The following PSG8 variants were observed in gnomAD, a reference collection of about 807,000 sequenced individuals.
The protein encoded by PSG8 is pregnancy specific beta-1-glycoprotein 8, also known as pregnancy-specific beta-1-glycoprotein 8.
PSG8 carries 57 observed loss-of-function variants against 42.5 expected under a neutral mutation model. The observed-to-expected ratio is 1.34, with a 90% CI of 1.08 to 1.67. The LOEUF is 1.67. Ranked by LOEUF, PSG8 falls within the 40% of genes most tolerant of loss-of-function variation. The pLI is 0.00. For synonymous variants in PSG8, 280 were observed against 196.8 expected (o/e 1.42, Z -3.54); for missense variants, 783 against 518.6 (o/e 1.51, Z -4.95).
chr19:42,764,524 C>G (rs1369577850), intron 1 of PSG8, among the ~76,000 whole-genome samples: 9 of 152,004 alleles, frequency 5.9e-5, no homozygotes, highest in African/African-American at 4.8e-5. Context: ...TTCAACACTT[C>G]TGACCTTGGC....
intron 2 of PSG8, among the ~76,000 whole-genome samples, chr19:42,761,820 A>ATTT (rs58868359): frequency 0.064 from 4,509 of 70,312 alleles, 852 homozygotes; most frequent in African/African-American, 0.076. Flanking sequence ...CATTTCAATA[A>ATTT]TTTTTTTTTT....
intron 2 of PSG8, among the ~76,000 whole-genome samples, chr19:42,760,447 C>CT (rs1236428196): frequency 1.3e-5 from 2 of 152,238 alleles, no homozygotes; most frequent in East Asian, 3.9e-4. Flanking sequence ...TGTTGTTCCA[C>CT]TTTTTTACCC....
In PSG8 at chr19:42,754,273, C is replaced by G. The variant is rs771993086; in HGVS notation, c.*22G>C. The G allele has an allele frequency of 6.2e-7, 1 of 1,609,368 alleles. No homozygotes were observed. Among genetic ancestry groups the G allele is most frequent in the Non-Finnish European group, 8.5e-7 (1 of 1,177,732 alleles). ...ATAAAAATGTTTTCCTGACTCTTCC[C>G]TGAAGGCCAGATAGACTCCACCTAA... On this transcript the variant is annotated 3_prime_UTR_variant, in exon 5 of 5. Coordinates refer to ENST00000306511, the MANE Select transcript of PSG8 (RefSeq NM_182707.3).
intron 2 of PSG8, among the ~76,000 whole-genome samples, chr19:42,760,411 A>T (rs982091016): frequency 2.0e-5 from 3 of 152,190 alleles, no homozygotes; most frequent in Admixed American, 6.5e-5. Context: ...TATTGTCAAA[A>T]CAAAATATTA....
intron 2 of PSG8, chr19:42,758,523 T>C (rs1283618944): frequency 3.6e-5 from 31 of 869,304 alleles, no homozygotes; most frequent in South Asian, 1.4e-4. Context: ...CATTGGGTCA[T>C]GGAAAGACAC....
At chr19:42,762,011 G>A (rs960034214) in intron 2 of PSG8, among the ~76,000 whole-genome samples, 8 of 151,858 alleles carry the variant, frequency 5.3e-5, no homozygotes, top group African/African-American at 1.7e-4. Flanking sequence ...TGGGGACATT[G>A]GCTCGAGATG....
At chr19:42,755,503 G>A in intron 3 of PSG8, 2 of 879,906 alleles carry the variant, frequency 2.3e-6, no homozygotes, top group South Asian at 1.9e-5. Context: ...GAGCAGCAGT[G>A]TTGGGTCATG....
At position 42,758,048 on chromosome 19, in the gene PSG8, G is replaced by T. The variant is rs146905361; in HGVS notation, c.663C>A (p.Asn221Lys). ...GGTCACTGCGGCTGGCACTCACTGG[G>T]TTCCGTATTTCACATTCATAGGGTC... Reference protein sequence around the residue: ...TAGPYECEIRNPVSASRSDPF... With the variant: ...TAGPYECEIRKPVSASRSDPF... The change falls in exon 3 of 5, where the codon AAC becomes AAA. Residue 221 changes from asparagine (N) to lysine (K), a missense_variant. By Grantham distance (94) the Asn-to-Lys change is moderately conservative. Coordinates refer to ENST00000306511, the MANE Select transcript of PSG8 (RefSeq NM_182707.3). 2.5e-6 allele frequency: 4 copies of T among 1,614,034 alleles called. No individual in the cohort carries two copies. Among genetic ancestry groups the T allele is most frequent in the East Asian group, 2.2e-5 (1 of 44,882 alleles).
rs776266928 is a variant in PSG8, at chr19:42,754,454, T to C, written c.1122A>G (p.Leu374=). ...GGGGGATAAAGAGCTTTTGTCCTGA[T>C]AGCTGAAACTTCCCATTAATTGTCC... ...YSWTINGKFQ[L]SGQKLFIPQI... is the part of the protein sequence containing the mutation. Residue 374 remains leucine, a synonymous_variant, in exon 5 of 5, where the codon CTA becomes CTG. Transcript: ENST00000306511. 7 of 1,613,928 alleles carry C rather than the reference T, an allele frequency of 4.3e-6. No homozygotes were observed. The highest frequency in any genetic ancestry group is 3.4e-6 in the Non-Finnish European group (4 of 1,179,868).
intron 2 of PSG8, among the ~76,000 whole-genome samples, chr19:42,761,482 C>T (rs1381317301): frequency 4.6e-5 from 7 of 152,230 alleles, no homozygotes; most frequent in African/African-American, 1.2e-4. Flanking sequence ...TATTGTAGAA[C>T]GTGAGATTGG....
At chr19:42,764,638 A>G (rs1446479873) in intron 1 of PSG8, among the ~76,000 whole-genome samples, 1 of 151,664 alleles carries the variant, frequency 6.6e-6, no homozygotes. Flanking sequence ...CTTTCCTGAC[A>G]CCTCCTTCAG....
chr19:42,758,293 CAG>C lies in PSG8; in HGVS notation c.431-15_431-14del, dbSNP rs1969984799. On this transcript the variant is annotated splice_polypyrimidine_tract_variant and intron_variant, in intron 2 of 4. Coordinates refer to ENST00000306511, the MANE Select transcript of PSG8 (RefSeq NM_182707.3). ...TTGGGAGTCTCCACTGTGCAGAAAA[CAG>C]AGAGAAGATTGCCCTGTGTGGCACC... is the stretch of plus-strand genomic sequence containing the variant. 6.2e-7 allele frequency: 1 copy of C among 1,611,560 alleles called. No individual in the cohort carries two copies. Among genetic ancestry groups the C allele is most frequent in the Non-Finnish European group, 8.5e-7 (1 of 1,178,620 alleles).
chr19:42,758,111 C>G lies in PSG8; in HGVS notation c.600G>C (p.Arg200Ser), dbSNP rs1322551149. 3.1e-6 allele frequency: 5 copies of G among 1,613,982 alleles called. No individual in the cohort carries two copies. The highest frequency in any genetic ancestry group is 4.2e-6 in the Non-Finnish European group (5 of 1,179,954). ...TTGTGACACCCAATAGAAAGAGGGT[C>G]CTGTTGGTTTCAGACAACTGCAACC... Reference protein sequence around the residue: ...SHRLQLSETNRTLFLLGVTKY... With the variant: ...SHRLQLSETNSTLFLLGVTKY... Residue 200 changes from arginine (R) to serine (S), a missense_variant, in exon 3 of 5, where the codon AGG becomes AGC. By Grantham distance (110) the Arg-to-Ser change is moderately radical. Coordinates refer to ENST00000306511, the MANE Select transcript of PSG8 (RefSeq NM_182707.3).
rs1970196999 is a variant in PSG8, at chr19:42,765,550, T to C, written c.32A>G (p.Gln11Arg). 1 of 1,611,282 alleles carries C rather than the reference T, an allele frequency of 6.2e-7. No individual in the cohort carries two copies. Among genetic ancestry groups the C allele is most frequent in the Non-Finnish European group, 8.5e-7 (1 of 1,178,222 alleles). The change falls in exon 1 of 5, where the codon CAG (glutamine) becomes CGG (arginine). Residue 11 changes from glutamine (Q) to arginine (R), a missense_variant. Gln to Arg is a conservative substitution (Grantham distance 43, BLOSUM62 1). Transcript: ENST00000306511. Reference sequence around the variant, plus strand: ...CAGGAGCCCCTTCCAGGTGATGCGCTGTGTGCAGGGAGGGGCTGAGAGGAG... The same window carrying C: ...CAGGAGCCCCTTCCAGGTGATGCGCCGTGTGCAGGGAGGGGCTGAGAGGAG... MGLLSAPPCT[Q>R]RITWKGLLLT...
chr19:42,758,116 T>G lies in PSG8; in HGVS notation c.595A>C (p.Asn199His). The change falls in exon 3 of 5, where the codon AAC becomes CAC. Residue 199 changes from asparagine to histidine, a missense_variant. By Grantham distance (68) the Asn-to-His change is moderately conservative. Transcript: ENST00000306511. ...MSHRLQLSET[N>H]RTLFLLGVTK... Reference sequence around the variant, plus strand: ...ACACCCAATAGAAAGAGGGTCCTGTTGGTTTCAGACAACTGCAACCTGTGA... The same window carrying G: ...ACACCCAATAGAAAGAGGGTCCTGTGGGTTTCAGACAACTGCAACCTGTGA... 2 of 1,613,998 alleles carry G rather than the reference T, an allele frequency of 1.2e-6. No individual in the cohort carries two copies. Among genetic ancestry groups the G allele is most frequent in the Non-Finnish European group, 1.7e-6 (2 of 1,179,946 alleles).
chr19:42,762,385 T>A (rs1482304051), intron 2 of PSG8, among the ~76,000 whole-genome samples: 1 of 151,904 alleles, frequency 6.6e-6, no homozygotes, highest in Non-Finnish European at 1.5e-5. Context: ...TTACATGAGC[T>A]GGGGTGGCTT....
intron 2 of PSG8, 165 bp downstream of exon 2, chr19:42,763,751 G>A (rs1970135443): frequency 1.5e-6 from 2 of 1,355,222 alleles, no homozygotes; most frequent in Admixed American, 1.7e-5. Context: ...CTGATCTGTT[G>A]AAATTTGTCT....
At chr19:42,757,848 C>T (rs1005403836) in intron 3 of PSG8, among the ~76,000 whole-genome samples, 154 bp downstream of exon 3, 1 of 152,070 alleles carries the variant, frequency 6.6e-6, no homozygotes, top group Non-Finnish European at 1.5e-5. Flanking sequence ...CCTAGGCCTA[C>T]TCTGGTTTGC....
downstream of PSG8, chr19:42,753,479 C>A: frequency 1.4e-6 from 1 of 721,644 alleles, no homozygotes; most frequent in Non-Finnish European, 2.5e-6. Flanking sequence ...TCTCTATGGG[C>A]ATCTCTAGTT....
Sources: allele counts gnomAD v4.1 joint callset (sites outside exome capture counted in the v4.1 genomes callset), GRCh38; gene constraint gnomAD v4.1.1; transcripts MANE v1.5; gene names NCBI Gene and HGNC (gene_info 2026-07-23, HGNC 2026-07-21).